The following GALNT7 variants were observed in gnomAD, a reference collection of about 807,000 sequenced individuals.
GALNT7 encodes the protein N-acetylgalactosaminyltransferase 7.
A neutral mutation model predicts 82.1 loss-of-function variants in GALNT7; 60 were observed. The observed-to-expected ratio is 0.73, with a 90% CI of 0.59 to 0.91. The LOEUF (loss-of-function observed/expected upper bound fraction) is 0.91. Ranked by LOEUF, GALNT7 falls within the 40% of genes least tolerant of loss-of-function variation. The pLI, the probability that GALNT7 is intolerant of heterozygous loss-of-function variation, is 0.00. For missense variants in GALNT7, 660 were observed against 804.2 expected, an observed-to-expected ratio of 0.82 and a Z score of 2.17; for synonymous variants, 243 against 275.1, an observed-to-expected ratio of 0.88 and a Z score of 1.15.
chr4:173,267,951 G>A (rs761161400), intron 2 of GALNT7, among the ~76,000 whole-genome samples: 6 of 152,098 alleles, frequency 3.9e-5, no homozygotes, highest in Non-Finnish European at 8.8e-5. Context: ...ATCATGCCAG[G>A]TGTGTGGTAT....
At chr4:173,213,222 T>G (rs1251312869) in intron 1 of GALNT7, among the ~76,000 whole-genome samples, 1 of 72,654 alleles carries the variant, frequency 1.4e-5, no homozygotes, top group Non-Finnish European at 4.1e-5. Context: ...TTCTCCTCCT[T>G]TCTAGTTTTT....
intron 1 of GALNT7, among the ~76,000 whole-genome samples, chr4:173,224,999 A>AG (rs1733775911): frequency 6.8e-6 from 1 of 147,926 alleles, no homozygotes; most frequent in Non-Finnish European, 1.5e-5. Flanking sequence ...TGGACGACAG[A>AG]GCGAGACTCT....
chr4:173,302,080 T>C lies in GALNT7; in HGVS notation c.1182T>C (p.Ile394=). The change falls in exon 7 of 12, where the codon ATT becomes ATC. Residue 394 remains isoleucine (I), a synonymous_variant. Coordinates refer to ENST00000265000, the MANE Select transcript of GALNT7 (RefSeq NM_017423.3). The surrounding 1 kb of genome is among the most constrained non-coding windows in gnomAD (Gnocchi z 4.2). ...CCATGGCTGGGGGATTATTTGCCAT[T>C]GAACGAGAGTTCTTCTTTGAATTGG... ...SPAMAGGLFA[I]EREFFFELGL... is the part of the protein sequence containing the mutation. The C allele has an allele frequency of 3.1e-6, 5 of 1,598,622 alleles. No individual in the cohort carries two copies. Among genetic ancestry groups the C allele is most frequent in the Non-Finnish European group, 4.3e-6 (5 of 1,165,990 alleles).
At chr4:173,189,546 A>G (rs1291342668) in intron 1 of GALNT7, among the ~76,000 whole-genome samples, 1 of 152,244 alleles carries the variant, frequency 6.6e-6, no homozygotes, top group African/African-American at 2.4e-5. Context: ...AACATTTTGC[A>G]AGCACTAGAG....
chr4:173,292,410 C>A lies in GALNT7; in HGVS notation c.754+136C>A, dbSNP rs953323344. On this transcript the variant is annotated intron_variant, in intron 3 of 11. Coordinates refer to ENST00000265000, the MANE Select transcript of GALNT7 (RefSeq NM_017423.3). This position sits in a 1 kb window ranked among gnomAD's most constrained non-coding sequence, Gnocchi z 4.8. ...AGCATCTGTTATCAACAAGTTGACA[C>A]TGTGCCAAGCATTGTATGTGAGTTA... 3.4e-6 allele frequency: 2 copies of A among 583,142 alleles called. No individual in the cohort carries two copies. The highest frequency in any genetic ancestry group is 6.1e-6 in the Non-Finnish European group (2 of 330,128). 36.1% of individuals were successfully genotyped at this position (583,142 alleles called of 1,614,324 possible). A position where few individuals can be genotyped will look rare whatever the true frequency, so the allele number is the denominator to read the frequency against.
At chr4:173,266,994 A>G (rs1735527179) in intron 2 of GALNT7, among the ~76,000 whole-genome samples, 1 of 151,514 alleles carries the variant, frequency 6.6e-6, no homozygotes, top group Admixed American at 6.6e-5. Flanking sequence ...GCTGGAAGGA[A>G]TAAGTTCTAA....
chr4:173,255,487 C>T (rs1463839767), intron 2 of GALNT7, among the ~76,000 whole-genome samples: 1 of 152,068 alleles, frequency 6.6e-6, no homozygotes, highest in Non-Finnish European at 1.5e-5. Context: ...AGACCTCTAC[C>T]CCCAACTACG....
rs528344275 is a variant in GALNT7, at chr4:173,215,605, C to T, written c.127-32375C>T. ...CAGAGCTGTGAGCTGGGGGAGGGCC[C>T]GTTGTTTTGACCCTAAGACCTAGCC... On this transcript the variant is annotated intron_variant, in intron 1 of 11. Coordinates refer to ENST00000265000, the MANE Select transcript of GALNT7 (RefSeq NM_017423.3). Among the ~76,000 whole-genome samples, 792 of 152,134 alleles carry T rather than the reference C, an allele frequency of 5.2e-3. 9 individuals carry two copies. The highest frequency in any genetic ancestry group is 0.018 in the African/African-American group (762 of 41,498).
chr4:173,196,784 CAT>C (rs1561149993), intron 1 of GALNT7, among the ~76,000 whole-genome samples: 3 of 152,146 alleles, frequency 2.0e-5, no homozygotes, highest in Non-Finnish European at 4.4e-5. Context: ...TAAATGACAA[CAT>C]GTGATGTTTG....
At chr4:173,305,400 T>C (rs1411391480) in intron 8 of GALNT7, among the ~76,000 whole-genome samples, 1 of 152,210 alleles carries the variant, frequency 6.6e-6, no homozygotes, top group Non-Finnish European at 1.5e-5. Context: ...TTGTTAATTG[T>C]TTCCTTTGCT....
chr4:173,296,514 G>A (rs770791716), intron 5 of GALNT7, among the ~76,000 whole-genome samples: 1 of 152,202 alleles, frequency 6.6e-6, no homozygotes, highest in Non-Finnish European at 1.5e-5. Context: ...GATTTAATGT[G>A]AAGGCCGAAC....
At chr4:173,199,235 G>A (rs922711928) in intron 1 of GALNT7, among the ~76,000 whole-genome samples, 1 of 152,188 alleles carries the variant, frequency 6.6e-6, no homozygotes, top group Non-Finnish European at 1.5e-5. Flanking sequence ...AGGGGATTGA[G>A]TGATAAGTTG....
At chr4:173,192,245 CT>C (rs1475899994) in intron 1 of GALNT7, among the ~76,000 whole-genome samples, 4 of 152,092 alleles carry the variant, frequency 2.6e-5, no homozygotes, top group African/African-American at 9.7e-5. Flanking sequence ...GCCCTGAAAT[CT>C]TTCTTTTTTT....
intron 2 of GALNT7, among the ~76,000 whole-genome samples, chr4:173,259,787 G>A (rs1176885461): frequency 1.3e-5 from 2 of 152,078 alleles, no homozygotes; most frequent in Non-Finnish European, 2.9e-5. Flanking sequence ...CCAGGTGCCC[G>A]CCACCACGCC....
intron 1 of GALNT7, among the ~76,000 whole-genome samples, chr4:173,190,326 G>A (rs1732589966): frequency 6.6e-6 from 1 of 152,168 alleles, no homozygotes; most frequent in South Asian, 2.1e-4. Flanking sequence ...ATTCTAGGTA[G>A]CCATGTGCAT....
At chr4:173,216,706 C>CATATATATATAT (rs202210734) in intron 1 of GALNT7, among the ~76,000 whole-genome samples, 19 of 56,966 alleles carry the variant, frequency 3.3e-4, no homozygotes, top group African/African-American at 1.7e-3. Context: ...GTGTACTATT[C>CATATATATATAT]ATATATATAT....
At chr4:173,220,181 G>A (rs773813636) in intron 1 of GALNT7, among the ~76,000 whole-genome samples, 2 of 152,156 alleles carry the variant, frequency 1.3e-5, no homozygotes, top group Non-Finnish European at 2.9e-5. Flanking sequence ...TATAAGGTGA[G>A]AGATGAGGAA....
intron 2 of GALNT7, among the ~76,000 whole-genome samples, chr4:173,288,418 G>A (rs570523954): frequency 6.6e-6 from 1 of 152,130 alleles, no homozygotes; most frequent in South Asian, 2.1e-4. Flanking sequence ...AGGAGGGAGG[G>A]GAATTGAGGA....
chr4:173,301,850 TTG>T (rs1439821063), intron 6 of GALNT7, among the ~76,000 whole-genome samples, 195 bp from the exon 7 acceptor site: 1 of 152,250 alleles, frequency 6.6e-6, no homozygotes, highest in Admixed American at 6.5e-5. Flanking sequence ...CAGTTAGAAA[TTG>T]TGGTAAATTC....
Sources: gnomAD v4.1 joint callset for allele counts (sites outside exome capture counted in the v4.1 genomes callset) on GRCh38, gnomAD v4.1.1 for gene constraint, Gnocchi (gnomAD v3.1) non-coding constraint, MANE v1.5 for transcripts, NCBI Gene and HGNC (gene_info 2026-07-23, HGNC 2026-07-21) for gene names.